The following CDC123 variants were observed in gnomAD, a reference collection of about 807,000 sequenced individuals.
The protein encoded by CDC123 is cell division cycle 123.
Under a neutral mutation model 54.4 loss-of-function variants are expected in CDC123, and 37 were observed. That is an observed-to-expected ratio of 0.68 (90% CI 0.52 to 0.89). The LOEUF (loss-of-function observed/expected upper bound fraction) is 0.89. CDC123 is among the 40% of genes least tolerant of loss of function. The probability of loss-of-function intolerance (pLI) is 0.00; values close to 1 mark genes in which losing one functional copy is unlikely to be tolerated. For missense variants in CDC123, 361 were observed against 412.1 expected (o/e 0.88, Z 1.07); for synonymous variants, 144 against 136.8 (o/e 1.05, Z -0.37).
chr10:12,241,362 C>G (rs978289633), intron 10 of CDC123, among the ~76,000 whole-genome samples: 23 of 152,040 alleles, frequency 1.5e-4, no homozygotes, highest in African/African-American at 5.6e-4. Flanking sequence ...TCTTTTCTGG[C>G]TTTTGAATTT....
rs1347625911 is a variant in CDC123 at position 12,230,834 on chromosome 10, GT to G, written c.441-111del. Reference sequence around the variant, plus strand: ...TTCGTCGAATTTGAGTTAGTCTCCTGTTTCTGGATGCTTTTAGTAAAACGTT... The same window carrying G: ...TTCGTCGAATTTGAGTTAGTCTCCTGTTCTGGATGCTTTTAGTAAAACGTT... On this transcript the variant is annotated intron_variant, in intron 6 of 12. Coordinates refer to ENST00000281141, the MANE Select transcript of CDC123 (RefSeq NM_006023.3). 4.1e-6 allele frequency: 4 copies of G among 977,348 alleles called. No individual in the cohort carries two copies. The African/African-American group carries it at 6.6e-5, about 16-fold the overall frequency. The allele number at this position is 977,348 out of a possible 1,614,324, so 60.5% of individuals were successfully genotyped here.
intron 2 of CDC123, among the ~76,000 whole-genome samples, chr10:12,209,572 T>C (rs1835568102): frequency 6.6e-6 from 1 of 151,948 alleles, no homozygotes; most frequent in African/African-American, 2.4e-5. Flanking sequence ...TTTATTTATT[T>C]ATTTTTGAGA....
At chr10:12,242,473 TTG>T (rs1000444045) in intron 10 of CDC123, among the ~76,000 whole-genome samples, 82 of 152,288 alleles carry the variant, frequency 5.4e-4, no homozygotes, top group African/African-American at 1.9e-3. Context: ...GGAGTCGATT[TTG>T]TGTTACGATC....
In CDC123 at chr10:12,217,377, C is replaced by A. The variant is rs777291390; in HGVS notation, c.350C>A (p.Ala117Glu). The A allele has an allele frequency of 1.2e-6, 2 of 1,613,546 alleles. No homozygotes were observed. The highest frequency in any genetic ancestry group is 1.7e-6 in the Non-Finnish European group (2 of 1,179,738). Residue 117 changes from alanine (A) to glutamate (E), a missense_variant, in exon 6 of 13, where the codon GCA (alanine) becomes GAA (glutamate). Ala to Glu is a moderately radical substitution (Grantham distance 107, BLOSUM62 -1). Transcript: ENST00000281141. ...ATTCTTTAGGATGCGTATTGGATAG[C>A]AATGAATAGTTCTCTGAAATGTAAA... ...WSAPRDAYWI[A>E]MNSSLKCKTL...
intron 2 of CDC123, among the ~76,000 whole-genome samples, chr10:12,204,574 C>T (rs570714790): frequency 6.6e-6 from 1 of 152,186 alleles, no homozygotes; most frequent in South Asian, 2.1e-4. Context: ...ATTAGCACAT[C>T]GTGGAGAAAG....
chr10:12,233,766 A>C (rs997382590), intron 7 of CDC123, among the ~76,000 whole-genome samples: 12 of 151,878 alleles, frequency 7.9e-5, no homozygotes, highest in African/African-American at 2.9e-4. Flanking sequence ...AAATCAGTGC[A>C]TTTAAAATTT....
At chr10:12,201,512 G>A (rs1835438989) in intron 2 of CDC123, among the ~76,000 whole-genome samples, 1 of 152,096 alleles carries the variant, frequency 6.6e-6, no homozygotes, top group Non-Finnish European at 1.5e-5. Flanking sequence ...CAGGTGGGGG[G>A]AACAGCATTA....
chr10:12,242,107 C>G (rs1836066155), intron 10 of CDC123, among the ~76,000 whole-genome samples: 1 of 152,298 alleles, frequency 6.6e-6, no homozygotes, highest in South Asian at 2.1e-4. Context: ...ATTTCAGGAG[C>G]CCTCACATAT....
In CDC123 at chr10:12,244,386, A is replaced by G. The variant is rs1432111559; in HGVS notation, c.718-1763A>G. Among the ~76,000 whole-genome samples the G allele has an allele frequency of 2.0e-5, 3 of 152,378 alleles. No individual in the cohort carries two copies. The East Asian group carries it at 5.8e-4, about 29-fold the overall frequency. Reference sequence around the variant, plus strand: ...AGATAAACCTTTCGAGGAAACATCCATCCACTTCGTGTCAATAGGTGTTCG... The same window carrying G: ...AGATAAACCTTTCGAGGAAACATCCGTCCACTTCGTGTCAATAGGTGTTCG... On this transcript the variant is annotated intron_variant, in intron 10 of 12. Transcript: ENST00000281141.
rs1051055 is a variant in CDC123 at position 12,250,455 on chromosome 10, A to G, written c.*118A>G. The G allele has an allele frequency of 0.68, 525,336 of 771,760 alleles. 179,887 individuals are homozygous for G. Among genetic ancestry groups the G allele is most frequent in the African/African-American group, 0.74 (43,624 of 58,616 alleles). 47.8% of individuals were successfully genotyped at this position (771,760 alleles called of 1,614,324 possible). A position where few individuals can be genotyped will look rare whatever the true frequency, so the allele number is the denominator to read the frequency against. ...GGGCCGAGCAGTGTGGACATCAGCCACTTTTTATATTCATGTACATTCACC... is the reference window on the plus strand; with the variant it reads ...GGGCCGAGCAGTGTGGACATCAGCCGCTTTTTATATTCATGTACATTCACC... On this transcript the variant is annotated 3_prime_UTR_variant, in exon 13 of 13. Coordinates refer to ENST00000281141, the MANE Select transcript of CDC123 (RefSeq NM_006023.3).
chr10:12,236,536 T>C (rs560584815), intron 8 of CDC123, among the ~76,000 whole-genome samples: 23 of 150,276 alleles, frequency 1.5e-4, no homozygotes, highest in Admixed American at 1.3e-3. Flanking sequence ...AAAGTGGAGG[T>C]TGTAATAAGC....
chr10:12,208,703 ACTTGCGCAG>A (rs1263062275), intron 2 of CDC123, among the ~76,000 whole-genome samples: 5 of 152,218 alleles, frequency 3.3e-5, no homozygotes, highest in Admixed American at 2.0e-4. Context: ...ATAGTGAGTT[ACTTGCGCAG>A]GAGGGCTGTG....
At chr10:12,249,558 T>C in intron 11 of CDC123, 23 bp from the exon 12 acceptor site, 1 of 1,599,876 alleles carries the variant, frequency 6.3e-7, no homozygotes, top group Non-Finnish European at 8.5e-7. Flanking sequence ...TGATATTCTT[T>C]CTCCTTTTTC....
chr10:12,243,288 C>T (rs1272133630), intron 10 of CDC123, among the ~76,000 whole-genome samples: 1 of 151,026 alleles, frequency 6.6e-6, no homozygotes, highest in Admixed American at 6.6e-5. Context: ...GTCCCAGCTA[C>T]TTAGGAGGTG....
intron 11 of CDC123, among the ~76,000 whole-genome samples, 189 bp from the exon 12 acceptor site, chr10:12,249,392 A>G (rs1564262087): frequency 6.6e-6 from 1 of 152,120 alleles, no homozygotes; most frequent in Non-Finnish European, 1.5e-5. Flanking sequence ...GAGCCACTGC[A>G]CTCCAGCTGG....
chr10:12,223,223 T>C (rs975527309), intron 6 of CDC123, among the ~76,000 whole-genome samples: 5 of 152,054 alleles, frequency 3.3e-5, no homozygotes, highest in African/African-American at 1.2e-4. Flanking sequence ...TGCAAAATAT[T>C]TGGAACAGCA....
chr10:12,229,836 A>AG (rs1835873947), intron 6 of CDC123, among the ~76,000 whole-genome samples: 1 of 152,188 alleles, frequency 6.6e-6, no homozygotes, highest in Admixed American at 6.5e-5. Context: ...GATCTATCTG[A>AG]GTTTTAAAAT....
At chr10:12,249,741 A>G (rs779240516) in intron 12 of CDC123, 23 bp downstream of exon 12, 3 of 1,575,512 alleles carry the variant, frequency 1.9e-6, no homozygotes, top group Admixed American at 2.0e-5. Flanking sequence ...TGCATTTAGT[A>G]TGCTGGCCAT....
chr10:12,226,083 G>T (rs1284033792), intron 6 of CDC123, among the ~76,000 whole-genome samples: 5 of 152,016 alleles, frequency 3.3e-5, no homozygotes, highest in Non-Finnish European at 7.4e-5. Flanking sequence ...TGGGGGTAAG[G>T]TTATAGATTA....
Sources: allele counts gnomAD v4.1 joint callset (sites outside exome capture counted in the v4.1 genomes callset), GRCh38; gene constraint gnomAD v4.1.1; transcripts MANE v1.5; gene names NCBI Gene and HGNC (gene_info 2026-07-23, HGNC 2026-07-21).